NAV3: variants seen among roughly 807,000 people sequenced by gnomAD.
NAV3 encodes neuron navigator 3.
In NAV3, 87 loss-of-function variants were observed where a neutral mutation model predicts 244.7. The ratio of observed to expected loss-of-function variants is 0.36; its 90% CI spans 0.30 to 0.42. The LOEUF is 0.42. NAV3 is among the 20% of genes least tolerant of loss of function. The pLI is 1.00. For missense variants in NAV3, 2,663 were observed against 2,893.3 expected (o/e 0.92, Z 1.83); for synonymous variants, 1,126 against 1,042.2 (o/e 1.08, Z -1.55).
chr12:77,825,085 G>C (rs956342633), intron 2 of NAV3, among the ~76,000 whole-genome samples: 5 of 152,138 alleles, frequency 3.3e-5, no homozygotes, highest in African/African-American at 9.7e-5. Context: ...TACTGAAGAA[G>C]AAAAATTGTT....
intron 2 of NAV3, among the ~76,000 whole-genome samples, chr12:77,699,918 G>A (rs1875486761): frequency 6.6e-6 from 1 of 151,810 alleles, no homozygotes; most frequent in Non-Finnish European, 1.5e-5. Flanking sequence ...AACAAATGTT[G>A]AAGAAATTGC....
At chr12:78,026,313 A>G (rs1179724473) in intron 9 of NAV3, among the ~76,000 whole-genome samples, 2 of 152,124 alleles carry the variant, frequency 1.3e-5, no homozygotes, top group Admixed American at 1.3e-4. Flanking sequence ...CAAACATAAT[A>G]TATCCCAAAC....
In NAV3 at chr12:77,904,573, A is replaced by G. The variant is rs924305073; in HGVS notation, c.244-35746A>G. ...ACGAGTTAATGGGTGCAGCACACCA[A>G]CATGGCACATGTATACATATGTAAC... is the stretch of plus-strand genomic sequence containing the variant. On this transcript the variant is annotated intron_variant, in intron 1 of 39. Transcript: ENST00000397909. 4.9e-4 allele frequency among the ~76,000 whole-genome samples: 75 copies of G among 152,174 alleles called. 1 individual carries two copies. The highest frequency in any genetic ancestry group is 1.4e-3 in the Admixed American group (22 of 15,274).
rs201570956 is a variant in NAV3, at chr12:77,684,161, AT to A, written c.72+111898del. 6.1e-3 allele frequency among the ~76,000 whole-genome samples: 934 copies of A among 152,208 alleles called. 7 individuals carry two copies. The highest frequency in any genetic ancestry group is 0.021 in the African/African-American group (888 of 41,534). On this transcript the variant is annotated intron_variant, in intron 2 of 8. Coordinates refer to the NAV3 transcript ENST00000550042. ...GTGTGAAGTGATAATCTTATTGTGG[AT>A]TTAATCTGCATTTTCCTGATGACTA... is the stretch of plus-strand genomic sequence containing the variant.
chr12:78,028,672 A>G (rs566173358), intron 9 of NAV3, among the ~76,000 whole-genome samples: 1 of 152,212 alleles, frequency 6.6e-6, no homozygotes, highest in Non-Finnish European at 1.5e-5. Flanking sequence ...GCTAACAAAA[A>G]GGCTTGGATC....
intron 2 of NAV3, among the ~76,000 whole-genome samples, chr12:77,598,959 T>G (rs1870298113): frequency 6.6e-6 from 1 of 151,950 alleles, no homozygotes; most frequent in African/African-American, 2.4e-5. Context: ...ATATTCACCT[T>G]GCATAACTGA....
Position 77,899,316 on chromosome 12 carries a change from G to A in NAV3, c.244-41003G>A, listed in dbSNP as rs572604291. Among the ~76,000 whole-genome samples the A allele has an allele frequency of 5.9e-5, 9 of 152,310 alleles. No homozygotes were observed. The East Asian group carries it at 1.5e-3, about 26-fold the overall frequency. ...CTATCCAACAGCATTGCATGCTGCA[G>A]AGAACTCTTTCATGAAAGTCAGTTG... On this transcript the variant is annotated intron_variant, in intron 1 of 39. Coordinates refer to ENST00000397909, the MANE Select transcript of NAV3 (RefSeq NM_001024383.2).
At chr12:78,126,983 C>T (rs300467) in intron 16 of NAV3, among the ~76,000 whole-genome samples, 184 bp from the exon 17 acceptor site, 10,409 of 152,244 alleles carry the variant, frequency 0.068, 375 homozygotes, top group Admixed American at 0.078. Context: ...TAGAAAGGAA[C>T]TCAAATATGT....
At chr12:78,094,691 G>A (rs1954138543) in intron 12 of NAV3, among the ~76,000 whole-genome samples, 1 of 151,872 alleles carries the variant, frequency 6.6e-6, no homozygotes, top group South Asian at 2.1e-4. Flanking sequence ...TTAATTACCG[G>A]GTTATAAATC....
exon 2 of NAV3, chr12:77,572,085 G>A (rs540439941): frequency 4.5e-4 from 70 of 154,472 alleles, no homozygotes; most frequent in Middle Eastern, 1.0e-3. Flanking sequence ...GTTCGGAAAC[G>A]GTGTGTGATG....
rs757718301 is a variant in NAV3, at chr12:77,968,564, G to C, written c.533G>C (p.Ser178Thr). The C allele has an allele frequency of 1.2e-6, 2 of 1,614,026 alleles. No individual in the cohort carries two copies. Among genetic ancestry groups the C allele is most frequent in the South Asian group, 1.1e-5 (1 of 91,078 alleles). Residue 178 changes from serine to threonine, a missense_variant, in exon 5 of 40, where the codon AGT becomes ACT. Physicochemically the swap from Ser to Thr is moderately conservative, Grantham distance 58. This residue lies in a region of NAV3 where 1,521 missense variants were observed against 1,497.0 expected (regional missense o/e 1.02). Coordinates refer to ENST00000397909, the MANE Select transcript of NAV3 (RefSeq NM_001024383.2). ...NLKAILGLFF[S>T]LSRYKQQQHH... Reference sequence around the variant, plus strand: ...AAAGCCATTCTAGGGCTGTTTTTCAGTTTATCTCGCTACAAGCAGCAACAA... The same window carrying C: ...AAAGCCATTCTAGGGCTGTTTTTCACTTTATCTCGCTACAAGCAGCAACAA...
intron 12 of NAV3, among the ~76,000 whole-genome samples, chr12:78,090,152 AATAC>A (rs1336012549): frequency 2.7e-5 from 4 of 150,760 alleles, no homozygotes; most frequent in African/African-American, 9.7e-5. Context: ...CCCCTGCCCA[AATAC>A]ATACATATAT....
chr12:77,749,764 C>A (rs978389543), intron 2 of NAV3, among the ~76,000 whole-genome samples: 1 of 152,144 alleles, frequency 6.6e-6, no homozygotes, highest in Non-Finnish European at 1.5e-5. Context: ...CCACATCCAG[C>A]AGGTTGTGCT....
intron 2 of NAV3, among the ~76,000 whole-genome samples, chr12:77,606,514 G>A (rs770999534): frequency 6.6e-6 from 1 of 152,060 alleles, no homozygotes; most frequent in Non-Finnish European, 1.5e-5. Flanking sequence ...TACAATGTGA[G>A]TAACTTCAGG....
intron 1 of NAV3, among the ~76,000 whole-genome samples, chr12:77,928,742 A>G (rs1054938941): frequency 1.3e-5 from 2 of 152,220 alleles, no homozygotes; most frequent in African/African-American, 4.8e-5. Flanking sequence ...ATTTCTGTTC[A>G]TCTAAAAATT....
intron 2 of NAV3, among the ~76,000 whole-genome samples, chr12:77,621,702 T>G (rs1246469391): frequency 6.6e-6 from 1 of 151,928 alleles, no homozygotes; most frequent in Non-Finnish European, 1.5e-5. Context: ...ATGGTCTTGA[T>G]CTCTTGACCT....
intron 2 of NAV3, among the ~76,000 whole-genome samples, chr12:77,602,027 A>G (rs1200820316): frequency 6.6e-6 from 1 of 152,048 alleles, no homozygotes; most frequent in Non-Finnish European, 1.5e-5. Context: ...GCAGAAGTTT[A>G]TTTCTCTGTC....
chr12:77,642,350 C>G (rs979792618), intron 2 of NAV3, among the ~76,000 whole-genome samples: 2 of 151,968 alleles, frequency 1.3e-5, no homozygotes, highest in South Asian at 4.2e-4. Context: ...CTTTCAGGAG[C>G]GTTGGTTTGT....
At chr12:78,169,503 T>A (rs921629859) in intron 24 of NAV3, among the ~76,000 whole-genome samples, 3 of 151,696 alleles carry the variant, frequency 2.0e-5, no homozygotes, top group Admixed American at 6.6e-5. Context: ...TCGTGTCATT[T>A]TTTTCCTTTA....
Sources: gnomAD v4.1 joint callset for allele counts (sites outside exome capture counted in the v4.1 genomes callset) on GRCh38, gnomAD v4.1.1 for gene constraint, gnomAD v4.1.1 regional missense constraint, MANE v1.5 for transcripts, NCBI Gene and HGNC (gene_info 2026-07-23, HGNC 2026-07-21) for gene names.